The following RBMS3 variants were observed in gnomAD, a reference collection of about 807,000 sequenced individuals.
RBMS3 encodes RNA-binding motif, single-stranded-interacting protein 3.
In RBMS3, 27 loss-of-function variants were observed where a neutral mutation model predicts 66.8. That is an observed-to-expected ratio of 0.40 (90% CI 0.30 to 0.56). RBMS3 has a LOEUF of 0.56. Ranked by LOEUF, RBMS3 falls within the 20% of genes least tolerant of loss-of-function variation. The pLI is 0.40. For missense variants in RBMS3, 513 were observed against 549.5 expected, an observed-to-expected ratio of 0.93 and a Z score of 0.66; for synonymous variants, 188 against 183.0, an observed-to-expected ratio of 1.03 and a Z score of -0.22.
intron 3 of RBMS3, among the ~76,000 whole-genome samples, chr3:29,502,549 C>T (rs3773042): frequency 0.13 from 20,052 of 152,018 alleles, 1,968 homozygotes; most frequent in African/African-American, 0.27. Context: ...TAAACAGTAT[C>T]GATTAGGGGT....
At chr3:29,445,693 G>A (rs2041806265) in intron 2 of RBMS3, among the ~76,000 whole-genome samples, 3 of 151,704 alleles carry the variant, frequency 2.0e-5, no homozygotes, top group African/African-American at 7.3e-5. Context: ...GCAGTAGTAT[G>A]GTATATACAC....
chr3:29,424,546 T>C (rs544558665), intron 1 of RBMS3, among the ~76,000 whole-genome samples: 1 of 152,286 alleles, frequency 6.6e-6, no homozygotes, highest in East Asian at 1.9e-4. Context: ...GGATGAGAAC[T>C]GGTATAAGGA....
intron 6 of RBMS3, among the ~76,000 whole-genome samples, chr3:29,788,002 T>C (rs2056879104): frequency 6.6e-6 from 1 of 152,296 alleles, no homozygotes; most frequent in African/African-American, 2.4e-5. Context: ...AACTTCACAG[T>C]GAAAAATACT....
intron 1 of RBMS3, among the ~76,000 whole-genome samples, chr3:29,364,912 A>T (rs1295887080): frequency 6.6e-6 from 1 of 152,110 alleles, no homozygotes; most frequent in Non-Finnish European, 1.5e-5. Context: ...GGAGTCACTG[A>T]TGCCTAAAAT....
chr3:29,910,874 A>G (rs1477725459), intron 10 of RBMS3, among the ~76,000 whole-genome samples: 1 of 152,054 alleles, frequency 6.6e-6, no homozygotes, highest in Non-Finnish European at 1.5e-5. Flanking sequence ...TTTCAAAATG[A>G]TAACACAAAT....
intron 4 of RBMS3, among the ~76,000 whole-genome samples, chr3:29,626,385 T>G (rs2049061912): frequency 6.6e-6 from 1 of 152,130 alleles, no homozygotes; most frequent in Admixed American, 6.5e-5. Flanking sequence ...AGCCTATGAA[T>G]TTTGGCAAAA....
chr3:29,288,628 A>C (rs1318522212), intron 1 of RBMS3, among the ~76,000 whole-genome samples: 1 of 152,046 alleles, frequency 6.6e-6, no homozygotes, highest in Non-Finnish European at 1.5e-5. Flanking sequence ...ATGTTTGGCT[A>C]AACCAGTTGA....
intron 12 of RBMS3, among the ~76,000 whole-genome samples, chr3:29,973,468 G>C (rs1425661400): frequency 6.6e-6 from 1 of 151,950 alleles, no homozygotes; most frequent in Non-Finnish European, 1.5e-5. Context: ...CAATGTATTA[G>C]TAACTCAACC....
At chr3:29,436,704 A>C (rs2125729018) in intron 2 of RBMS3, among the ~76,000 whole-genome samples, 1 of 152,308 alleles carries the variant, frequency 6.6e-6, no homozygotes, top group African/African-American at 2.4e-5. Context: ...AAGGGTAGCT[A>C]TTAGGGAAAG....
chr3:29,924,856 A>G (rs1303262590), intron 10 of RBMS3: 4 of 153,266 alleles, frequency 2.6e-5, no homozygotes, highest in African/African-American at 9.6e-5. Context: ...GAAAAAAAAA[A>G]AAAGAGAGAG....
At chr3:29,745,386 G>A (rs1031297939) in intron 5 of RBMS3, among the ~76,000 whole-genome samples, 3 of 152,138 alleles carry the variant, frequency 2.0e-5, no homozygotes, top group Non-Finnish European at 4.4e-5. Context: ...CACTACTGCA[G>A]AGCTAGTGAA....
chr3:29,910,861 AT>A (rs1430636907), intron 10 of RBMS3, among the ~76,000 whole-genome samples: 1 of 151,916 alleles, frequency 6.6e-6, no homozygotes. Context: ...TTAGAGTTAG[AT>A]TTTTCAAAAT....
At chr3:29,857,654 T>C (rs1459334942) in intron 6 of RBMS3, among the ~76,000 whole-genome samples, 2 of 152,092 alleles carry the variant, frequency 1.3e-5, no homozygotes, top group Non-Finnish European at 2.9e-5. Flanking sequence ...TCTACATTTA[T>C]TTAATAATTT....
chr3:29,778,791 A>G (rs1161578574), intron 6 of RBMS3, among the ~76,000 whole-genome samples: 1 of 151,908 alleles, frequency 6.6e-6, no homozygotes, highest in South Asian at 2.1e-4. Context: ...GATTAAATAC[A>G]TTAAACTACA....
intron 2 of RBMS3, among the ~76,000 whole-genome samples, chr3:29,456,823 C>A (rs2042207543): frequency 6.6e-6 from 1 of 152,032 alleles, no homozygotes; most frequent in Non-Finnish European, 1.5e-5. Flanking sequence ...GGGCATAAGT[C>A]CTGACAATAC....
chr3:29,754,394 C>A (rs1430455940), intron 5 of RBMS3, among the ~76,000 whole-genome samples: 1 of 152,188 alleles, frequency 6.6e-6, no homozygotes, highest in Non-Finnish European at 1.5e-5. Context: ...TCATTTCCAA[C>A]CATGTTGTGG....
intron 4 of RBMS3, among the ~76,000 whole-genome samples, chr3:29,646,525 G>T (rs201368419): frequency 1.5e-4 from 18 of 120,130 alleles, no homozygotes; most frequent in South Asian, 6.1e-4. Flanking sequence ...AGTTCTTTTT[G>T]TTTCACTACC....
intron 6 of RBMS3, among the ~76,000 whole-genome samples, chr3:29,825,113 G>A (rs551490975): frequency 5.9e-4 from 88 of 149,848 alleles, no homozygotes; most frequent in African/African-American, 2.0e-3. Flanking sequence ...TCAGCTCACT[G>A]TAACCTCTAC....
At chr3:29,669,125 C>T (rs2050887675) in intron 4 of RBMS3, among the ~76,000 whole-genome samples, 1 of 152,200 alleles carries the variant, frequency 6.6e-6, no homozygotes, top group South Asian at 2.1e-4. Flanking sequence ...AGCTATTCTC[C>T]TTGTCTCAAG....
Sources: gnomAD v4.1 joint callset for allele counts (sites outside exome capture counted in the v4.1 genomes callset) on GRCh38, gnomAD v4.1.1 for gene constraint, MANE v1.5 for transcripts, NCBI Gene and HGNC (gene_info 2026-07-23, HGNC 2026-07-21) for gene names.